The following FRAS1 variants were observed in gnomAD, a reference collection of about 807,000 sequenced individuals.
FRAS1 encodes the protein Fraser extracellular matrix complex subunit 1, also known as extracellular matrix organizing protein FRAS1.
FRAS1 carries 290 observed loss-of-function variants against 435.2 expected under a neutral mutation model. That is an observed-to-expected ratio of 0.67 (90% CI 0.61 to 0.73). The LOEUF is 0.73. Among genes scored for constraint, FRAS1 ranks in the 30% least tolerant of loss-of-function variants. FRAS1 has a pLI of 0.00. For synonymous variants in FRAS1, 1,800 were observed against 1,851.0 expected, an observed-to-expected ratio of 0.97 and a Z score of 0.71; for missense variants, 4,860 against 5,001.5, an observed-to-expected ratio of 0.97 and a Z score of 0.85.
intron 2 of FRAS1, among the ~76,000 whole-genome samples, chr4:78,185,852 C>T (rs969702700): frequency 1.3e-5 from 2 of 152,162 alleles, no homozygotes; most frequent in Non-Finnish European, 2.9e-5. Context: ...ATCCTAATAA[C>T]CTATGTTTCA....
intron 65 of FRAS1, among the ~76,000 whole-genome samples, chr4:78,515,247 CA>C: frequency 6.7e-6 from 1 of 148,612 alleles, no homozygotes; most frequent in East Asian, 2.0e-4. Flanking sequence ...TACTCACTAA[CA>C]AAAAATTAAG....
intron 14 of FRAS1, among the ~76,000 whole-genome samples, chr4:78,306,897 G>C (rs532415839): frequency 6.6e-6 from 1 of 152,118 alleles, no homozygotes; most frequent in Non-Finnish European, 1.5e-5. Context: ...GCTTTGTTCC[G>C]TTGCTGGTGA....
intron 2 of FRAS1, among the ~76,000 whole-genome samples, chr4:78,074,559 G>C (rs1299674224): frequency 2.6e-5 from 4 of 152,116 alleles, no homozygotes; most frequent in Admixed American, 6.5e-5. Flanking sequence ...GGAACACCCT[G>C]CTTAGCCAGT....
At chr4:78,205,101 A>G (rs1008116951) in intron 2 of FRAS1, among the ~76,000 whole-genome samples, 3 of 152,142 alleles carry the variant, frequency 2.0e-5, no homozygotes, top group African/African-American at 7.2e-5. Context: ...GAGTCCATAA[A>G]TGATAAGGGG....
intron 2 of FRAS1, among the ~76,000 whole-genome samples, chr4:78,236,297 T>TTTAA: frequency 6.9e-6 from 1 of 144,020 alleles, no homozygotes; most frequent in Non-Finnish European, 1.6e-5. Context: ...CATTTATTTA[T>TTTAA]TTATTTATTT....
intron 2 of FRAS1, among the ~76,000 whole-genome samples, chr4:78,183,981 TTGACCAG>T (rs1377322353): frequency 3.3e-5 from 5 of 152,188 alleles, no homozygotes; most frequent in Non-Finnish European, 7.3e-5. Context: ...ACTGTGTCCA[TTGACCAG>T]TGACGTTAGT....
rs1725575521 is a variant in FRAS1, at chr4:78,252,383, A to G, written c.310-9A>G. On this transcript the variant is annotated splice_polypyrimidine_tract_variant and intron_variant, in intron 4 of 73. Coordinates refer to ENST00000512123, the MANE Select transcript of FRAS1 (RefSeq NM_025074.7). Reference sequence around the variant, plus strand: ...AACCTTTTTTTTTTTCTGTCTCCCTAACACACAGCATGGGACAGAATGGGC... The same window carrying G: ...AACCTTTTTTTTTTTCTGTCTCCCTGACACACAGCATGGGACAGAATGGGC... 1.2e-6 allele frequency: 2 copies of G among 1,609,030 alleles called. No homozygotes were observed. The highest frequency in any genetic ancestry group is 2.2e-5 in the East Asian group (1 of 44,722).
intron 14 of FRAS1, among the ~76,000 whole-genome samples, chr4:78,296,701 T>C (rs1728161166): frequency 6.6e-6 from 1 of 152,214 alleles, no homozygotes; most frequent in South Asian, 2.1e-4. Flanking sequence ...GCTGTAATTC[T>C]TCCCTTCCCT....
intron 2 of FRAS1, among the ~76,000 whole-genome samples, chr4:78,227,979 T>C (rs1386020043): frequency 6.6e-6 from 1 of 152,152 alleles, no homozygotes; most frequent in African/African-American, 2.4e-5. Flanking sequence ...TTTTAGTCAC[T>C]ACAAGAATAC....
At chr4:78,230,680 A>C (rs17003067) in intron 2 of FRAS1, among the ~76,000 whole-genome samples, 13,404 of 152,244 alleles carry the variant, frequency 0.088, 1,770 homozygotes, top group African/African-American at 0.29. Flanking sequence ...CCAGAAATGA[A>C]GACATGAGAC....
intron 29 of FRAS1, among the ~76,000 whole-genome samples, chr4:78,394,371 T>C (rs1732571198): frequency 6.6e-6 from 1 of 152,076 alleles, no homozygotes; most frequent in African/African-American, 2.4e-5. Context: ...CTTTAACCCA[T>C]TTTGAGTTGA....
At chr4:78,305,642 T>C (rs181186896) in intron 14 of FRAS1, among the ~76,000 whole-genome samples, 38 of 148,162 alleles carry the variant, frequency 2.6e-4, no homozygotes, top group Non-Finnish European at 4.8e-4. Context: ...CTTTTGATGT[T>C]TGTTGGTTTA....
rs1393725153 is a variant in FRAS1 at position 78,518,439 on chromosome 4, TATATATATATA to T, written c.10390-891_10390-881del. ...TTTGTTGTGTATATATATATATATA[TATATATATATA>T]TATTTATTTATTTATTTATTTGTGG... On this transcript the variant is annotated intron_variant, in intron 66 of 73. Transcript: ENST00000512123. 1.0e-3 allele frequency among the ~76,000 whole-genome samples: 124 copies of T among 121,440 alleles called. 2 individuals carry two copies. Among genetic ancestry groups the T allele is most frequent in the Admixed American group, 3.7e-3 (46 of 12,582 alleles). The allele number at this position is 121,440 out of a possible 152,430, so 79.7% of individuals were successfully genotyped here.
intron 2 of FRAS1, among the ~76,000 whole-genome samples, chr4:78,069,397 G>A (rs1740222969): frequency 6.6e-6 from 1 of 152,216 alleles, no homozygotes; most frequent in Non-Finnish European, 1.5e-5. Context: ...CTCTCAGCCT[G>A]TCTTGTGAGG....
intron 2 of FRAS1, among the ~76,000 whole-genome samples, chr4:78,066,466 G>C (rs1195223326): frequency 1.3e-5 from 2 of 152,138 alleles, no homozygotes; most frequent in African/African-American, 4.8e-5. Flanking sequence ...TTAAGTTTTG[G>C]TGAACAGCAA....
At chr4:78,117,883 T>G (rs1156586471) in intron 2 of FRAS1, among the ~76,000 whole-genome samples, 1 of 152,258 alleles carries the variant, frequency 6.6e-6, no homozygotes, top group Non-Finnish European at 1.5e-5. Context: ...GGAGCTGCAT[T>G]CCTTTGGTGG....
At chr4:78,103,033 C>A (rs1665296446) in intron 2 of FRAS1, among the ~76,000 whole-genome samples, 1 of 152,176 alleles carries the variant, frequency 6.6e-6, no homozygotes, top group African/African-American at 2.4e-5. Flanking sequence ...TTCTAGTAAA[C>A]TGCTTTCTCT....
At chr4:78,492,182 G>T (rs1023570836) in intron 59 of FRAS1, among the ~76,000 whole-genome samples, 4 of 152,154 alleles carry the variant, frequency 2.6e-5, no homozygotes, top group African/African-American at 7.2e-5. Context: ...CATGCTCATG[G>T]ATAAGAAAAA....
chr4:78,199,683 A>T (rs1375728230), intron 2 of FRAS1, among the ~76,000 whole-genome samples: 1 of 152,236 alleles, frequency 6.6e-6, no homozygotes, highest in African/African-American at 2.4e-5. Context: ...GCTGACTGGC[A>T]TGGTGTCCAG....
Sources: allele counts gnomAD v4.1 joint callset (sites outside exome capture counted in the v4.1 genomes callset), GRCh38; gene constraint gnomAD v4.1.1; transcripts MANE v1.5; gene names NCBI Gene and HGNC (gene_info 2026-07-23, HGNC 2026-07-21).